VTI1B: variants seen among roughly 807,000 people sequenced by gnomAD.
VTI1B encodes vesicle transport through interaction with t-SNAREs 1B, also known as vesicle transport through interaction with t-SNAREs homolog 1B.
A neutral mutation model predicts 28.6 loss-of-function variants in VTI1B; 18 were observed. The observed-to-expected ratio is 0.63, with a 90% CI of 0.43 to 0.93. The LOEUF (loss-of-function observed/expected upper bound fraction) is 0.93. Among genes scored for constraint, VTI1B ranks in the 40% least tolerant of loss-of-function variants. VTI1B has a pLI of 0.00. For synonymous variants in VTI1B, 100 were observed against 107.9 expected, an observed-to-expected ratio of 0.93 and a Z score of 0.46; for missense variants, 283 against 297.0, an observed-to-expected ratio of 0.95 and a Z score of 0.35.
chr14:67,670,348 A>G (rs61990131), intron 1 of VTI1B, among the ~76,000 whole-genome samples: 2,649 of 152,020 alleles, frequency 0.017, 32 homozygotes, highest in Non-Finnish European at 0.028. Context: ...CTACTTTCCC[A>G]CATACATTCT....
chr14:67,662,559 A>T (rs1334836083), intron 1 of VTI1B, 24 bp from the exon 2 acceptor site: 1 of 1,587,482 alleles, frequency 6.3e-7, no homozygotes, highest in Admixed American at 1.7e-5. Flanking sequence ...ATAAGTTTCA[A>T]ATGCTTATTA....
At chr14:67,662,444 G>A (rs1183493773) in intron 2 of VTI1B, 33 bp downstream of exon 2, 2 of 1,594,010 alleles carry the variant, frequency 1.3e-6, no homozygotes, top group African/African-American at 1.3e-5. Flanking sequence ...CCAACACCAG[G>A]TAGAAGAAAC....
chr14:67,660,804 A>G (rs974860814), intron 2 of VTI1B, among the ~76,000 whole-genome samples: 2 of 152,252 alleles, frequency 1.3e-5, no homozygotes, highest in Non-Finnish European at 2.9e-5. Context: ...GAAAACAAGT[A>G]TCTGAGCATC....
At position 67,648,045 on chromosome 14, in the gene VTI1B, A is replaced by G. The variant is rs1261684074; in HGVS notation, c.*3340T>C. ...GTATTATTTTATCCTCTTCCTTTTT[A>G]GGAGACAAAGACCAATCCATTTGAG... is the stretch of plus-strand genomic sequence containing the variant. On this transcript the variant is annotated 3_prime_UTR_variant, in exon 6 of 6. Transcript: ENST00000554659. 1.2e-6 allele frequency: 2 copies of G among 1,607,490 alleles called. No individual in the cohort carries two copies. The highest frequency in any genetic ancestry group is 1.1e-5 in the South Asian group (1 of 90,246).
intron 5 of VTI1B, 30 bp from the exon 6 acceptor site, chr14:67,651,511 C>CAGA (rs1380754593): frequency 6.2e-7 from 1 of 1,610,512 alleles, no homozygotes; most frequent in East Asian, 2.2e-5. Flanking sequence ...GGGGAGTAGT[C>CAGA]AGAAGTTTGG....
intron 1 of VTI1B, among the ~76,000 whole-genome samples, chr14:67,664,512 C>A (rs1255909702): frequency 1.1e-5 from 1 of 93,670 alleles, no homozygotes; most frequent in African/African-American, 3.9e-5. Flanking sequence ...TTTTTTTTTT[C>A]TTGAGACAGA....
rs1189036810 is a variant in VTI1B, at chr14:67,653,405, A to C, written c.602+32T>G. On this transcript the variant is annotated intron_variant, in intron 5 of 5. Transcript: ENST00000554659. ...CTTTTTGGTTGAAAGCCACTGAGTT[A>C]AGAGAAATTTCATGACTTTAATAAA... is the stretch of plus-strand genomic sequence containing the variant. The C allele has an allele frequency of 1.9e-6, 3 of 1,601,152 alleles. No homozygotes were observed. The East Asian group carries it at 6.7e-5, about 36-fold the overall frequency.
At chr14:67,662,176 C>A (rs913562981) in intron 2 of VTI1B, among the ~76,000 whole-genome samples, 148 of 146,978 alleles carry the variant, frequency 1.0e-3, no homozygotes, top group Middle Eastern at 6.9e-3. Flanking sequence ...ACAACAACAA[C>A]AACAAAAAAA....
intron 1 of VTI1B, chr14:67,662,902 CAAAAAAAA>C: frequency 1.2e-5 from 11 of 898,454 alleles, no homozygotes; most frequent in South Asian, 4.3e-5. Flanking sequence ...GACTCTGTCT[CAAAAAAAA>C]AAAAAAAAAA....
At chr14:67,662,337 T>C in intron 2 of VTI1B, 140 bp downstream of exon 2, 1 of 742,930 alleles carries the variant, frequency 1.3e-6, no homozygotes, top group Non-Finnish European at 2.2e-6. Flanking sequence ...ACCATCCCCA[T>C]CAACTGGCTT....
Position 67,671,383 on chromosome 14 carries a change from A to G in VTI1B, c.115+2992T>C, listed in dbSNP as rs373307984. Among the ~76,000 whole-genome samples, 46 of 152,120 alleles carry G rather than the reference A, an allele frequency of 3.0e-4. 1 individual carries two copies. Among genetic ancestry groups the G allele is most frequent in the African/African-American group, 1.1e-3 (45 of 41,512 alleles). ...TCTACTAAAAATACAAAAATTGGCT[A>G]GGTGTGGTAGCATGCGCCTGTAATC... On this transcript the variant is annotated intron_variant, in intron 1 of 5. Transcript: ENST00000554659.
intron 2 of VTI1B, 141 bp downstream of exon 2, chr14:67,662,336 A>C (rs2037348334): frequency 8.1e-6 from 6 of 744,826 alleles, no homozygotes; most frequent in Non-Finnish European, 1.3e-5. Context: ...AACCATCCCC[A>C]TCAACTGGCT....
chr14:67,665,002 G>A (rs7159735), intron 1 of VTI1B, among the ~76,000 whole-genome samples: 147,743 of 152,286 alleles, frequency 0.97, 71,801 homozygotes, highest in East Asian at 1. Flanking sequence ...GAGTGGTGGG[G>A]TTACAGGAGT....
At chr14:67,660,122 C>A in intron 2 of VTI1B, 200 bp from the exon 3 acceptor site, 1 of 539,126 alleles carries the variant, frequency 1.9e-6, no homozygotes, top group Non-Finnish European at 3.2e-6. Flanking sequence ...AAGCACAGAG[C>A]AGGCATTCGA....
In VTI1B at chr14:67,674,597, C is replaced by A. The variant is rs1370236521; in HGVS notation, c.-108G>T. ...AGTGGCCATAACGGCGACCGCCGCA[C>A]CACCGCCGCCCAGGACGAGGCTCTT... On this transcript the variant is annotated 5_prime_UTR_variant, in exon 1 of 6. Transcript: ENST00000554659. 4 of 841,496 alleles carry A rather than the reference C, an allele frequency of 4.8e-6. No homozygotes were observed. The highest frequency in any genetic ancestry group is 6.8e-6 in the Non-Finnish European group (4 of 591,408). 52.1% of individuals were successfully genotyped at this position (841,496 alleles called of 1,614,324 possible).
At chr14:67,652,863 G>A (rs1054611468) in intron 5 of VTI1B, among the ~76,000 whole-genome samples, 6 of 151,780 alleles carry the variant, frequency 4.0e-5, no homozygotes, top group South Asian at 2.1e-4. Context: ...GTGCCATCTC[G>A]GCTCACTGCA....
intron 4 of VTI1B, 102 bp downstream of exon 4, chr14:67,656,314 G>T: frequency 9.2e-7 from 1 of 1,086,782 alleles, no homozygotes; most frequent in Non-Finnish European, 1.2e-6. Flanking sequence ...ACTATTCCCT[G>T]AATACAGAAC....
intron 1 of VTI1B, among the ~76,000 whole-genome samples, chr14:67,668,661 G>GA (rs11417718): frequency 0.45 from 68,486 of 152,078 alleles, 17,952 homozygotes; most frequent in Non-Finnish European, 0.61. Context: ...GAAACACAGT[G>GA]AAAAAAAGAC....
chr14:67,651,442 T>A lies in VTI1B; in HGVS notation c.642A>T (p.Leu214Phe). ...TNKLLLSIIILLELAILGGLV... is the reference protein window; with the variant it reads ...TNKLLLSIIIFLELAILGGLV... ...GGCCTCCCAGGATGGCGAGCTCCAG[T>A]AAGATGATAATGGAAAGCAGCAGCT... The change falls in exon 6 of 6, where the codon TTA (leucine) becomes TTT (phenylalanine). Residue 214 changes from leucine (L) to phenylalanine (F), a missense_variant. Transcript: ENST00000554659. The A allele has an allele frequency of 6.2e-7, 1 of 1,613,912 alleles. No individual in the cohort carries two copies. Among genetic ancestry groups the A allele is most frequent in the Non-Finnish European group, 8.5e-7 (1 of 1,179,838 alleles).
Sources: gnomAD v4.1 joint callset for allele counts (sites outside exome capture counted in the v4.1 genomes callset) on GRCh38, gnomAD v4.1.1 for gene constraint, MANE v1.5 for transcripts, NCBI Gene and HGNC (gene_info 2026-07-23, HGNC 2026-07-21) for gene names.